Variants in KIFAP3 observed in about 807,000 individuals in gnomAD.
The protein encoded by KIFAP3 is kinesin associated protein 3.
Under a neutral mutation model 106.5 loss-of-function variants are expected in KIFAP3, and 68 were observed. The ratio of observed to expected loss-of-function variants is 0.64; its 90% confidence interval spans 0.53 to 0.78. The LOEUF is 0.78. KIFAP3 is among the 30% of genes least tolerant of loss of function. KIFAP3 has a pLI of 0.00. For missense variants in KIFAP3, 780 were observed against 941.8 expected, an observed-to-expected ratio of 0.83 and a Z score of 2.25; for synonymous variants, 320 against 311.5, an observed-to-expected ratio of 1.03 and a Z score of -0.29.
intron 3 of KIFAP3, chr1:170,041,680 C>G (rs1669988174): frequency 1.3e-6 from 2 of 1,534,584 alleles, no homozygotes; most frequent in Admixed American, 3.9e-5. Context: ...TACCGACCTT[C>G]ACATAAGCTT....
intron 9 of KIFAP3, among the ~76,000 whole-genome samples, chr1:170,020,494 G>A (rs1407921334): frequency 2.6e-5 from 4 of 151,978 alleles, no homozygotes; most frequent in Non-Finnish European, 4.4e-5. Flanking sequence ...TTGCTCTGTC[G>A]CCCAGGCTGG....
chr1:169,925,423 T>C (rs1322687925), intron 19 of KIFAP3, among the ~76,000 whole-genome samples: 2 of 151,760 alleles, frequency 1.3e-5, no homozygotes, highest in East Asian at 3.9e-4. Context: ...GAAAGAAAAA[T>C]GACAAATTCT....
intron 19 of KIFAP3, among the ~76,000 whole-genome samples, chr1:169,947,305 C>A (rs1170664161): frequency 6.6e-6 from 1 of 151,818 alleles, no homozygotes; most frequent in Admixed American, 6.6e-5. Context: ...AAATCATATA[C>A]CATGCCCGAA....
chr1:170,061,150 A>T (rs75283160), intron 1 of KIFAP3, among the ~76,000 whole-genome samples: 1 of 152,050 alleles, frequency 6.6e-6, no homozygotes, highest in Non-Finnish European at 1.5e-5. Context: ...ACAAAAGCCA[A>T]AATTGACAAA....
At chr1:170,052,215 C>T (rs11526503) in intron 2 of KIFAP3, among the ~76,000 whole-genome samples, 13,358 of 152,102 alleles carry the variant, frequency 0.088, 1,536 homozygotes, top group African/African-American at 0.26. Context: ...CACCTCGAAG[C>T]AAATAAACCA....
intron 1 of KIFAP3, among the ~76,000 whole-genome samples, chr1:170,062,444 T>C (rs1194566767): frequency 6.6e-6 from 1 of 152,140 alleles, no homozygotes; most frequent in Non-Finnish European, 1.5e-5. Flanking sequence ...ATATTCACTC[T>C]AATTAGTCTA....
intron 19 of KIFAP3, among the ~76,000 whole-genome samples, chr1:169,937,135 C>T (rs948885357): frequency 6.6e-6 from 1 of 151,220 alleles, no homozygotes; most frequent in African/African-American, 2.4e-5. Context: ...AAAGAGAATG[C>T]TTTAACTCAT....
Position 169,977,608 on chromosome 1 carries a change from C to T in KIFAP3, c.1897+477G>A, listed in dbSNP as rs1300426826. Among the ~76,000 whole-genome samples, 7 of 152,184 alleles carry T rather than the reference C, an allele frequency of 4.6e-5. No individual in the cohort carries two copies. The East Asian group carries it at 1.4e-3, about 29-fold the overall frequency. On this transcript the variant is annotated intron_variant, in intron 16 of 19. Transcript: ENST00000361580. ...ACAATGCTCTTTAGGCTACAACATGCTATGCCCCTTTAGGTAGGTGGAAGG... is the reference window on the plus strand; with the variant it reads ...ACAATGCTCTTTAGGCTACAACATGTTATGCCCCTTTAGGTAGGTGGAAGG...
intron 2 of KIFAP3, among the ~76,000 whole-genome samples, chr1:170,054,102 A>G (rs752699430): frequency 7.2e-5 from 11 of 152,222 alleles, no homozygotes; most frequent in Non-Finnish European, 1.6e-4. Context: ...CCATCTGACT[A>G]AGGTCTAATA....
intron 7 of KIFAP3, among the ~76,000 whole-genome samples, chr1:170,033,389 C>T (rs4656202): frequency 0.1 from 15,690 of 151,596 alleles, 961 homozygotes; most frequent in Admixed American, 0.18. Context: ...TTGCACAAAG[C>T]AGAGTTAAAA....
chr1:170,012,423 T>TGGTTCCAAATCCCATGCTTTTAAC (rs1668288311), intron 10 of KIFAP3, among the ~76,000 whole-genome samples: 1 of 152,132 alleles, frequency 6.6e-6, no homozygotes, highest in Admixed American at 6.6e-5. Flanking sequence ...ACCTAGGGAC[T>TGGTTCCAAATCCCATGCTTTTAAC]CTGGCTCCAA....
At chr1:170,062,982 C>T (rs1472491394) in intron 1 of KIFAP3, among the ~76,000 whole-genome samples, 1 of 152,066 alleles carries the variant, frequency 6.6e-6, no homozygotes, top group Non-Finnish European at 1.5e-5. Flanking sequence ...TAACCTTACT[C>T]CATCTTGCTT....
rs567797089 is a variant in KIFAP3 at position 170,059,409 on chromosome 1, G to C, written c.33-3973C>G. Among the ~76,000 whole-genome samples the C allele has an allele frequency of 8.1e-4, 123 of 152,274 alleles. 1 individual carries two copies. Among genetic ancestry groups the C allele is most frequent in the Non-Finnish European group, 1.1e-3 (76 of 68,012 alleles). On this transcript the variant is annotated intron_variant, in intron 1 of 19. Transcript: ENST00000361580. The stretch of plus-strand genomic sequence containing the variant: ...CTATGCAAATAAACTAGAAAATCTA[G>C]AAGAAATGGATAAATTCCTGGACAC...
At chr1:170,004,247 G>A (rs1667822250) in intron 10 of KIFAP3, among the ~76,000 whole-genome samples, 2 of 152,054 alleles carry the variant, frequency 1.3e-5, no homozygotes, top group South Asian at 2.1e-4. Context: ...CTCATGGGTA[G>A]GAAGAATAAA....
chr1:169,953,877 A>G, intron 19 of KIFAP3, 134 bp downstream of exon 19: 1 of 694,714 alleles, frequency 1.4e-6, no homozygotes. Flanking sequence ...AATCAAACAA[A>G]CATGCCCTTG....
intron 1 of KIFAP3, among the ~76,000 whole-genome samples, chr1:170,081,713 G>A (rs545586426): frequency 6.6e-6 from 1 of 152,308 alleles, no homozygotes; most frequent in Admixed American, 6.5e-5. Context: ...TTTTAGGGAT[G>A]CATGTGGGCC....
At chr1:169,967,893 C>G (rs1665708634) in intron 17 of KIFAP3, among the ~76,000 whole-genome samples, 1 of 151,790 alleles carries the variant, frequency 6.6e-6, no homozygotes. Flanking sequence ...ATTCACTCCC[C>G]TATACCCCCA....
intron 19 of KIFAP3, among the ~76,000 whole-genome samples, chr1:169,925,783 C>A (rs2101766066): frequency 6.6e-6 from 1 of 152,218 alleles, no homozygotes; most frequent in African/African-American, 2.4e-5. Flanking sequence ...AGAAAACCAC[C>A]TACCTCTGGC....
rs117564964 is a variant in KIFAP3, at chr1:169,950,503, A to T, written c.2273+3508T>A. Among the ~76,000 whole-genome samples the T allele has an allele frequency of 4.4e-3, 671 of 152,206 alleles. 19 individuals are homozygous for T. The South Asian group carries it at 0.08, about 18-fold the overall frequency. On this transcript the variant is annotated intron_variant, in intron 19 of 19. Coordinates refer to ENST00000361580, the MANE Select transcript of KIFAP3 (RefSeq NM_014970.4). ...CTGGACCATTTCCCTGATTTAAAGG[A>T]AAAACACCCAACAACTCCAAATAGA...
Sources: allele counts gnomAD v4.1 joint callset (sites outside exome capture counted in the v4.1 genomes callset), GRCh38; gene constraint gnomAD v4.1.1; transcripts MANE v1.5; gene names NCBI Gene and HGNC (gene_info 2026-07-23, HGNC 2026-07-21).